The following MTX2 variants were observed in gnomAD, a reference collection of about 807,000 sequenced individuals.
The protein encoded by MTX2 is metaxin-2.
Under a neutral mutation model 42.3 loss-of-function variants are expected in MTX2, and 35 were observed. The observed-to-expected ratio is 0.83, with a 90% CI of 0.63 to 1.10. The LOEUF is 1.10. Among genes scored for constraint, MTX2 ranks in the 50% least tolerant of loss-of-function variants. MTX2 has a pLI of 0.00. For missense variants in MTX2, 307 were observed against 304.1 expected, an observed-to-expected ratio of 1.01 and a Z score of -0.07; for synonymous variants, 119 against 100.9, an observed-to-expected ratio of 1.18 and a Z score of -1.08.
At chr2:176,304,717 T>C (rs1307397854) in intron 3 of MTX2, among the ~76,000 whole-genome samples, 2 of 152,050 alleles carry the variant, frequency 1.3e-5, no homozygotes, top group Non-Finnish European at 2.9e-5. Context: ...TCATTTTTAT[T>C]TTGTGTCCTG....
chr2:176,295,914 A>G (rs1683864427), intron 1 of MTX2, among the ~76,000 whole-genome samples: 1 of 152,174 alleles, frequency 6.6e-6, no homozygotes, highest in Non-Finnish European at 1.5e-5. Flanking sequence ...TTATTATCAA[A>G]TCTCATATAT....
chr2:176,328,332 G>A lies in MTX2; in HGVS notation c.325G>A (p.Ala109Thr). The A allele has an allele frequency of 1.3e-6, 2 of 1,592,166 alleles. No individual in the cohort carries two copies. Among genetic ancestry groups the A allele is most frequent in the Non-Finnish European group, 1.7e-6 (2 of 1,169,394 alleles). Residue 109 changes from alanine (A) to threonine (T), a missense_variant, in exon 6 of 10, where the codon GCA (alanine) becomes ACA (threonine). Ala to Thr is a moderately conservative substitution (Grantham distance 58). Transcript: ENST00000249442. ...TGATGGGCTGGAGGAAGTCCAAAAA[G>A]CAGAAATGAAAGCTTACATGGAATT... ...LSDGLEEVQK[A>T]EMKAYMELVN...
chr2:176,282,130 T>TTTTTG (rs1693093246), intron 1 of MTX2, among the ~76,000 whole-genome samples: 1 of 133,582 alleles, frequency 7.5e-6, no homozygotes, highest in African/African-American at 2.8e-5. Flanking sequence ...ACAGTAGTTT[T>TTTTTG]TTTTTTTTTT....
rs116809052 is a variant in MTX2 at position 176,331,702 on chromosome 2, A to G, written c.620+1042A>G. Reference sequence around the variant, plus strand: ...AATTCTGGTGGGTAAAGCTTCTACAACTCTGTTCCTGTTTCTAGTGATGTT... The same window carrying G: ...AATTCTGGTGGGTAAAGCTTCTACAGCTCTGTTCCTGTTTCTAGTGATGTT... On this transcript the variant is annotated intron_variant, in intron 9 of 9. Transcript: ENST00000249442. Among the ~76,000 whole-genome samples, 958 of 151,130 alleles carry G rather than the reference A, an allele frequency of 6.3e-3. 12 individuals are homozygous for G. The highest frequency in any genetic ancestry group is 0.022 in the African/African-American group (900 of 41,418).
intron 3 of MTX2, among the ~76,000 whole-genome samples, chr2:176,316,508 T>C (rs1330864904): frequency 6.6e-6 from 1 of 152,038 alleles, no homozygotes; most frequent in Non-Finnish European, 1.5e-5. Context: ...CTTAGGTGAT[T>C]CTCCCACCTC....
intron 3 of MTX2, among the ~76,000 whole-genome samples, chr2:176,319,126 A>G (rs1262021634): frequency 1.3e-5 from 2 of 152,206 alleles, no homozygotes; most frequent in Non-Finnish European, 2.9e-5. Context: ...GAGTTAGCTG[A>G]GTTGTTCCAA....
At chr2:176,327,806 C>A (rs1174706526) in intron 5 of MTX2, among the ~76,000 whole-genome samples, 1 of 150,724 alleles carries the variant, frequency 6.6e-6, no homozygotes, top group Non-Finnish European at 1.5e-5. Context: ...CTTTTTAAAT[C>A]TTGTAATAGA....
At chr2:176,328,760 A>T in intron 6 of MTX2, 114 bp from the exon 7 acceptor site, 1 of 927,700 alleles carries the variant, frequency 1.1e-6, no homozygotes, top group Non-Finnish European at 1.7e-6. Context: ...ACAAACCGCT[A>T]CATGTGTGAC....
chr2:176,289,671 A>G (rs992826527), intron 1 of MTX2, among the ~76,000 whole-genome samples: 2 of 152,046 alleles, frequency 1.3e-5, no homozygotes, highest in African/African-American at 4.8e-5. Flanking sequence ...TAAAGGGTGA[A>G]TTAATGTAGG....
At chr2:176,292,554 C>G (rs190377577) in intron 1 of MTX2, among the ~76,000 whole-genome samples, 35 of 151,880 alleles carry the variant, frequency 2.3e-4, no homozygotes, top group African/African-American at 8.5e-4. Flanking sequence ...CCCAAACCAA[C>G]AAATAAGCTT....
rs183559270 is a variant in MTX2, at chr2:176,297,729, T to G, written c.89-120T>G. 192 of 441,576 alleles carry G rather than the reference T, an allele frequency of 4.3e-4. 1 individual carries two copies. In the East Asian group the frequency reaches 6.3e-3, roughly 14 times the overall value. The allele number at this position is 441,576 out of a possible 1,614,324, so 27.4% of individuals were successfully genotyped here. On this transcript the variant is annotated intron_variant, in intron 2 of 9. Transcript: ENST00000249442. ...CAAAATTATAATTATATATTAACATTGATATAAAACTTTAGAATTTAGTGG... is the reference window on the plus strand; with the variant it reads ...CAAAATTATAATTATATATTAACATGGATATAAAACTTTAGAATTTAGTGG...
intron 1 of MTX2, among the ~76,000 whole-genome samples, chr2:176,271,463 A>G (rs1168440319): frequency 1.3e-5 from 2 of 152,230 alleles, no homozygotes; most frequent in Admixed American, 1.3e-4. Context: ...AAATAAGAAG[A>G]CAAACCAACA....
intron 1 of MTX2, among the ~76,000 whole-genome samples, chr2:176,281,848 T>C (rs1693083874): frequency 6.6e-6 from 1 of 152,136 alleles, no homozygotes; most frequent in Admixed American, 6.5e-5. Flanking sequence ...TGGAACTCTC[T>C]AAAGCTAGTG....
chr2:176,273,928 C>T (rs1432505583), intron 1 of MTX2, among the ~76,000 whole-genome samples: 1 of 150,666 alleles, frequency 6.6e-6, no homozygotes, highest in Non-Finnish European at 1.5e-5. Flanking sequence ...AAAAAAAAAC[C>T]TCCTCTTGTT....
At chr2:176,285,271 T>C (rs533760748) in intron 1 of MTX2, among the ~76,000 whole-genome samples, 12 of 152,302 alleles carry the variant, frequency 7.9e-5, no homozygotes, top group African/African-American at 2.9e-4. Flanking sequence ...GTTTAATATA[T>C]GTCAAGCACT....
At chr2:176,269,960 T>C (rs1162792405) in intron 1 of MTX2, among the ~76,000 whole-genome samples, 6 of 151,744 alleles carry the variant, frequency 4.0e-5, no homozygotes, top group African/African-American at 1.5e-4. Flanking sequence ...GGGGAGGCCT[T>C]GGATTGGGAT....
Position 176,311,467 on chromosome 2 carries a change from A to T in MTX2, c.136-11925A>T, listed in dbSNP as rs185020980. 3.9e-5 allele frequency among the ~76,000 whole-genome samples: 6 copies of T among 152,302 alleles called. No individual in the cohort carries two copies. In the East Asian group the frequency reaches 1.2e-3, roughly 29 times the overall value. Reference sequence around the variant, plus strand: ...CAGACAGGGACATTGAAGTCTGCAGAAGTTGTCTGCTGTCTTTTATTCAGC... The same window carrying T: ...CAGACAGGGACATTGAAGTCTGCAGTAGTTGTCTGCTGTCTTTTATTCAGC... On this transcript the variant is annotated intron_variant, in intron 3 of 9. Coordinates refer to ENST00000249442, the MANE Select transcript of MTX2 (RefSeq NM_006554.5).
intron 3 of MTX2, among the ~76,000 whole-genome samples, chr2:176,309,088 T>C (rs2105425312): frequency 6.6e-6 from 1 of 152,360 alleles, no homozygotes; most frequent in African/African-American, 2.4e-5. Flanking sequence ...TCTGATATGT[T>C]GTGTCTTTGT....
At chr2:176,333,799 C>T (rs951811695) in intron 9 of MTX2, among the ~76,000 whole-genome samples, 4 of 151,604 alleles carry the variant, frequency 2.6e-5, no homozygotes, top group Admixed American at 6.6e-5. Flanking sequence ...CATTGTGTTA[C>T]AGTTGCCTAC....
Sources: gnomAD v4.1 joint callset for allele counts (sites outside exome capture counted in the v4.1 genomes callset) on GRCh38, gnomAD v4.1.1 for gene constraint, MANE v1.5 for transcripts, NCBI Gene and HGNC (gene_info 2026-07-23, HGNC 2026-07-21) for gene names.